CREBBP: variants seen among roughly 807,000 people sequenced by gnomAD.
The protein encoded by CREBBP is CREB-binding protein.
Under a neutral mutation model 265.0 loss-of-function variants are expected in CREBBP, and 19 were observed. The ratio of observed to expected loss-of-function variants is 0.07; its 90% CI spans 0.05 to 0.11. The LOEUF (loss-of-function observed/expected upper bound fraction) is 0.11, where lower values mean the gene tolerates loss of function less well. CREBBP is among the 10% of genes least tolerant of loss of function. The probability of loss-of-function intolerance (pLI) is 1.00; values close to 1 mark genes in which losing one functional copy is unlikely to be tolerated. For missense variants in CREBBP, 2,525 were observed against 3,219.0 expected (o/e 0.78, Z 5.22); for synonymous variants, 1,457 against 1,223.7 (o/e 1.19, Z -3.98).
Position 3,774,551 on chromosome 16 carries a change from G to T in CREBBP, c.2283+18C>A. 15 of 1,614,002 alleles carry T rather than the reference G, an allele frequency of 9.3e-6. No individual in the cohort carries two copies. The highest frequency in any genetic ancestry group is 1.3e-5 in the Non-Finnish European group (15 of 1,180,026). ...GAGAGGGAGGGCTATCTGCAGCACA[G>T]CGAAAGAGAACACTTACCCCTGGCA... On this transcript the variant is annotated intron_variant, in intron 12 of 30. Transcript: ENST00000262367.
intron 8 of CREBBP, 149 bp from the exon 9 acceptor site, chr16:3,778,966 A>G (rs1211992904): frequency 1.5e-6 from 1 of 645,834 alleles, no homozygotes. Context: ...CAGCAGTTTG[A>G]GATCTGCCTG....
intron 3 of CREBBP, among the ~76,000 whole-genome samples, chr16:3,805,806 T>C (rs1025963727): frequency 6.6e-6 from 1 of 152,206 alleles, no homozygotes; most frequent in African/African-American, 2.4e-5. Flanking sequence ...GTGGCTTTCA[T>C]GATCTTTATT....
intron 23 of CREBBP, chr16:3,740,846 G>A (rs976708846): frequency 7.0e-6 from 3 of 431,604 alleles, no homozygotes; most frequent in Non-Finnish European, 1.3e-5. Flanking sequence ...AATTGACAGG[G>A]GCTCTAGGGC....
rs536251402 is a variant in CREBBP at position 3,765,134 on chromosome 16, C to T, written c.3250+2586G>A. On this transcript the variant is annotated intron_variant, in intron 16 of 30. Transcript: ENST00000262367. ...GACTACAGGCGCCCGCCACCACGCC[C>T]GCATAATTTTTTGTATTTTGTTTAG... Among the ~76,000 whole-genome samples the T allele has an allele frequency of 1.9e-3, 293 of 152,202 alleles. 2 individuals carry two copies. The highest frequency in any genetic ancestry group is 6.8e-3 in the African/African-American group (284 of 41,526).
At chr16:3,770,177 A>G (rs1304399301) in intron 14 of CREBBP, among the ~76,000 whole-genome samples, 1 of 149,844 alleles carries the variant, frequency 6.7e-6, no homozygotes, top group Non-Finnish European at 1.5e-5. Context: ...GCCTCAATGG[A>G]GTTTTAAGTA....
At chr16:3,876,668 T>C (rs2055409759) in intron 1 of CREBBP, among the ~76,000 whole-genome samples, 1 of 152,140 alleles carries the variant, frequency 6.6e-6, no homozygotes, top group African/African-American at 2.4e-5. Context: ...TTCTACATAA[T>C]ACAAGAAAAT....
At position 3,726,973 on chromosome 16, in the gene CREBBP, G is replaced by C. The variant is rs1180473935; in HGVS notation, c.*745C>G. On this transcript the variant is annotated 3_prime_UTR_variant, in exon 31 of 31. Coordinates refer to ENST00000262367, the MANE Select transcript of CREBBP (RefSeq NM_004380.3). ...CTAGAATTGCTTTTCCTCATTTCAA[G>C]TTTCACATAGAAGAAAGAAAAGAAG... 1.3e-5 allele frequency: 3 copies of C among 233,530 alleles called. No homozygotes were observed. Among genetic ancestry groups the C allele is most frequent in the Non-Finnish European group, 2.5e-5 (3 of 118,048 alleles). The allele number at this position is 233,530 out of a possible 1,614,324, so 14.5% of individuals were successfully genotyped here. A position where few individuals can be genotyped will look rare whatever the true frequency, so the allele number is the denominator to read the frequency against.
At chr16:3,772,724 T>G (rs2053042221) in intron 13 of CREBBP, among the ~76,000 whole-genome samples, 1 of 152,050 alleles carries the variant, frequency 6.6e-6, no homozygotes, top group African/African-American at 2.4e-5. Flanking sequence ...AATCATTTAG[T>G]GAGGAAATCT....
chr16:3,730,332 C>A (rs551144132), intron 30 of CREBBP, among the ~76,000 whole-genome samples: 5 of 152,276 alleles, frequency 3.3e-5, no homozygotes, highest in Admixed American at 2.0e-4. Flanking sequence ...TGAAGCCAGA[C>A]AGTGAAAGGC....
chr16:3,871,807 C>T (rs1052664923), intron 1 of CREBBP, among the ~76,000 whole-genome samples: 1 of 152,172 alleles, frequency 6.6e-6, no homozygotes, highest in Non-Finnish European at 1.5e-5. Flanking sequence ...CTCCTTACCA[C>T]AGATTATGCA....
chr16:3,858,288 A>G (rs1367263880), intron 1 of CREBBP, among the ~76,000 whole-genome samples: 1 of 152,242 alleles, frequency 6.6e-6, no homozygotes, highest in Non-Finnish European at 1.5e-5. Context: ...GCCATCAGCC[A>G]AAGTATCCAC....
At chr16:3,845,376 T>G (rs1215935916) in intron 2 of CREBBP, among the ~76,000 whole-genome samples, 1 of 152,084 alleles carries the variant, frequency 6.6e-6, no homozygotes, top group Non-Finnish European at 1.5e-5. Context: ...CAAGCAAAGG[T>G]CAATGGAACT....
chr16:3,735,052 A>G (rs1423642554), intron 28 of CREBBP, among the ~76,000 whole-genome samples: 3 of 152,004 alleles, frequency 2.0e-5, no homozygotes, highest in Admixed American at 1.3e-4. Flanking sequence ...TACAGCCCAC[A>G]CCCACGCCAC....
intron 1 of CREBBP, among the ~76,000 whole-genome samples, chr16:3,872,795 A>G (rs910352291): frequency 6.6e-6 from 1 of 152,184 alleles, no homozygotes; most frequent in African/African-American, 2.4e-5. Flanking sequence ...TTTTCCCAAC[A>G]ACCAGGAATG....
Position 3,729,775 on chromosome 16 carries a change from C to T in CREBBP, c.5272G>A (p.Glu1758Lys), listed in dbSNP as rs1376667989. Residue 1758 changes from glutamate to lysine, a missense_variant, in exon 31 of 31, where the codon GAG becomes AAG. Glu to Lys is a moderately conservative substitution (Grantham distance 56, BLOSUM62 1). Around this residue, in one of 19 missense-constraint regions of CREBBP, gnomAD observed 62 missense variants for 156.2 expected, o/e 0.40. Transcript: ENST00000262367. ...TCCTGGGGGCTCTTTGACTGTGGCT[C>T]GCCCTGGCTGCTGCCCTCGTCATCC... ...GLDDEGSSQG[E>K]PQSKSPQESR... is the part of the protein sequence containing the mutation. 6.2e-7 allele frequency: 1 copy of T among 1,606,014 alleles called. No individual in the cohort carries two copies. The highest frequency in any genetic ancestry group is 2.2e-5 in the East Asian group (1 of 44,868).
In CREBBP at chr16:3,729,674, C is replaced by T. The variant is rs749762107; in HGVS notation, c.5373G>A (p.Ser1791=). The T allele has an allele frequency of 5.6e-6, 9 of 1,613,344 alleles. No individual in the cohort carries two copies. Among genetic ancestry groups the T allele is most frequent in the Non-Finnish European group, 6.8e-6 (8 of 1,179,974 alleles). ...HACQCRNANC[S]LPSCQKMKRV... is the part of the protein sequence containing the mutation. ...GCTTCATCTTCTGGCAGGATGGCAGCGAGCAGTTGGCGTTGCGGCACTGGC... is the reference window on the plus strand; with the variant it reads ...GCTTCATCTTCTGGCAGGATGGCAGTGAGCAGTTGGCGTTGCGGCACTGGC... The change falls in exon 31 of 31, where the codon TCG becomes TCA. Residue 1791 remains serine (S), a synonymous_variant. Transcript: ENST00000262367.
chr16:3,849,422 T>TGTGTGTGTGTGTG (rs2054745809), intron 2 of CREBBP, among the ~76,000 whole-genome samples: 2 of 7,096 alleles, frequency 2.8e-4, no homozygotes, highest in African/African-American at 3.4e-4. Context: ...TGTGTGTGTG[T>TGTGTGTGTGTGTG]GTGTGTGTGT....
intron 3 of CREBBP, among the ~76,000 whole-genome samples, chr16:3,804,413 A>G (rs762837004): frequency 1.3e-5 from 2 of 152,318 alleles, no homozygotes. Context: ...TACTGGACAG[A>G]CTGTCTTTTT....
chr16:3,820,439 T>A (rs537669628), intron 2 of CREBBP, among the ~76,000 whole-genome samples: 47 of 152,314 alleles, frequency 3.1e-4, no homozygotes, highest in Non-Finnish European at 5.9e-4. Flanking sequence ...TCCCCCTCAA[T>A]TGAAGTCTTA....
Sources: allele counts gnomAD v4.1 joint callset (sites outside exome capture counted in the v4.1 genomes callset), GRCh38; gene constraint gnomAD v4.1.1; regional missense constraint gnomAD v4.1.1; transcripts MANE v1.5; gene names NCBI Gene and HGNC (gene_info 2026-07-23, HGNC 2026-07-21).